ITGAV: variants seen among roughly 807,000 people sequenced by gnomAD.
ITGAV encodes integrin subunit alpha V.
ITGAV carries 76 observed loss-of-function variants against 143.8 expected under a neutral mutation model. The ratio of observed to expected loss-of-function variants is 0.53; its 90% CI spans 0.44 to 0.64. The LOEUF is 0.64. Among genes scored for constraint, ITGAV ranks in the 30% least tolerant of loss-of-function variants. ITGAV has a pLI of 0.00. For synonymous variants in ITGAV, 453 were observed against 446.7 expected, an observed-to-expected ratio of 1.01 and a Z score of -0.18; for missense variants, 1,193 against 1,274.7, an observed-to-expected ratio of 0.94 and a Z score of 0.98.
chr2:186,648,758 G>T (rs1363086380), intron 13 of ITGAV, among the ~76,000 whole-genome samples: 2 of 152,050 alleles, frequency 1.3e-5, no homozygotes, highest in Non-Finnish European at 2.9e-5. Context: ...CTCCCAAAGT[G>T]CTGGGATTAC....
intron 1 of ITGAV, chr2:186,600,174 C>G (rs371845594): frequency 4.8e-6 from 3 of 618,836 alleles, no homozygotes; most frequent in East Asian, 2.9e-5. Context: ...TGTGCCACTC[C>G]CGGCTTGTCC....
intron 5 of ITGAV, 63 bp from the exon 6 acceptor site, chr2:186,633,266 T>G: frequency 2.9e-6 from 3 of 1,026,200 alleles, no homozygotes; most frequent in Non-Finnish European, 4.5e-6. Flanking sequence ...TTTTCATTGA[T>G]TTCTATTTTG....
intron 3 of ITGAV, among the ~76,000 whole-genome samples, chr2:186,622,968 T>G (rs1257755926): frequency 1.3e-5 from 2 of 152,188 alleles, no homozygotes; most frequent in South Asian, 4.1e-4. Flanking sequence ...TTCGCCATGT[T>G]GGCCAGGCTG....
chr2:186,665,144 T>G lies in ITGAV; in HGVS notation c.2092T>G (p.Cys698Gly), dbSNP rs375011099. Residue 698 changes from cysteine (C) to glycine (G), a missense_variant, in exon 21 of 30, where the codon TGT (cysteine) becomes GGT (glycine). Coordinates refer to ENST00000261023, the MANE Select transcript of ITGAV (RefSeq NM_002210.5). The part of the protein sequence containing the change: ...RNNEALARLS[C>G]AFKTENQTRQ... ...ATCAAAGGCCTTAGCAAGACTTTCC[T>G]GTGCATTTAAGACAGAAAACCAAAC... 2.5e-6 allele frequency: 4 copies of G among 1,608,714 alleles called. No homozygotes were observed. Among genetic ancestry groups the G allele is most frequent in the East Asian group, 4.5e-5 (2 of 44,812 alleles).
At chr2:186,653,868 G>A (rs2105729447) in intron 15 of ITGAV, among the ~76,000 whole-genome samples, 1 of 152,220 alleles carries the variant, frequency 6.6e-6, no homozygotes, top group East Asian at 1.9e-4. Context: ...ACTTACCTTT[G>A]ATACCTAAAT....
intron 14 of ITGAV, 115 bp from the exon 15 acceptor site, chr2:186,651,867 A>G (rs973564239): frequency 1.7e-6 from 1 of 595,640 alleles, no homozygotes; most frequent in Non-Finnish European, 3.0e-6. Flanking sequence ...TATTACAAAC[A>G]ATGCTTTTAG....
intron 7 of ITGAV, 59 bp downstream of exon 7, chr2:186,636,266 A>C (rs2105704273): frequency 1.5e-6 from 2 of 1,353,246 alleles, no homozygotes; most frequent in South Asian, 2.8e-5. Flanking sequence ...CTTATATCTG[A>C]GTATGGTCTT....
At chr2:186,606,175 A>G (rs926647026) in intron 2 of ITGAV, among the ~76,000 whole-genome samples, 1 of 152,172 alleles carries the variant, frequency 6.6e-6, no homozygotes, top group African/African-American at 2.4e-5. Context: ...TCTCTCTCCC[A>G]AGGAACTCTT....
chr2:186,667,056 T>C (rs749316737), intron 22 of ITGAV, 94 bp from the exon 23 acceptor site: 17 of 843,296 alleles, frequency 2.0e-5, no homozygotes, highest in Non-Finnish European at 3.2e-5. Flanking sequence ...TACACTTGTT[T>C]CGTTTGTTAA....
chr2:186,600,304 C>T (rs1324115471), intron 1 of ITGAV: 4 of 1,520,840 alleles, frequency 2.6e-6, no homozygotes, highest in East Asian at 2.5e-5. Context: ...CTCATCCCCA[C>T]CCCCCACTCC....
intron 2 of ITGAV, among the ~76,000 whole-genome samples, chr2:186,620,304 T>C (rs1687485833): frequency 1.3e-5 from 2 of 152,182 alleles, no homozygotes; most frequent in African/African-American, 4.8e-5. Flanking sequence ...GTTAGCATCA[T>C]GAACAGACAA....
rs989369366 is a variant in ITGAV, at chr2:186,624,884, C to T, written c.409-589C>T. Among the ~76,000 whole-genome samples the T allele has an allele frequency of 4.6e-5, 7 of 151,972 alleles. No homozygotes were observed. The South Asian group carries it at 1.2e-3, about 27-fold the overall frequency. The stretch of plus-strand genomic sequence containing the variant: ...CTTAGTTCAAAAGCTAGTTTGGTCT[C>T]TACCTTTAGCATAGCATATTACATC... On this transcript the variant is annotated intron_variant, in intron 3 of 29. Transcript: ENST00000261023.
At chr2:186,648,788 C>T (rs573717051) in intron 13 of ITGAV, among the ~76,000 whole-genome samples, 50 of 152,054 alleles carry the variant, frequency 3.3e-4, no homozygotes, top group African/African-American at 1.1e-3. Flanking sequence ...CCACCACACC[C>T]GGCCATCAGG....
chr2:186,653,090 C>T lies in ITGAV; in HGVS notation c.1505+1001C>T, dbSNP rs535845760. Among the ~76,000 whole-genome samples the T allele has an allele frequency of 9.7e-3, 1,478 of 151,982 alleles. 22 individuals are homozygous for T. Among genetic ancestry groups the T allele is most frequent in the African/African-American group, 0.034 (1,404 of 41,468 alleles). On this transcript the variant is annotated intron_variant, in intron 15 of 29. Transcript: ENST00000261023. ...CCTCCCGAGTAGCTGGGACTACAGG[C>T]GCCCACCAACACGCCCGGCTAATTT...
intron 16 of ITGAV, among the ~76,000 whole-genome samples, chr2:186,655,469 G>A (rs1274597454): frequency 1.3e-5 from 2 of 152,140 alleles, no homozygotes; most frequent in South Asian, 2.1e-4. Flanking sequence ...GGCCTGAAGC[G>A]GAAAATGTGC....
intron 5 of ITGAV, among the ~76,000 whole-genome samples, 186 bp from the exon 6 acceptor site, chr2:186,633,141 CAA>C (rs909847322): frequency 1.9e-4 from 14 of 74,494 alleles, no homozygotes; most frequent in Admixed American, 3.0e-4. Context: ...TTTGTCTCTA[CAA>C]AAAAAAAAAA....
At chr2:186,661,764 T>C (rs980498027) in intron 18 of ITGAV, among the ~76,000 whole-genome samples, 2 of 152,008 alleles carry the variant, frequency 1.3e-5, no homozygotes, top group East Asian at 1.9e-4. Flanking sequence ...GCCCGGCTAA[T>C]TTTTTGTATT....
At position 186,656,276 on chromosome 2, in the gene ITGAV, C is replaced by G; in HGVS notation, c.1594C>G (p.Leu532Val). ...CCAGGTGGAACTTCTTTTGGATAAA[C>G]TCAAGCAAAAGGGAGCAATTCGACG... ...NFQVELLLDK[L>V]KQKGAIRRAL... The change falls in exon 17 of 30, where the codon CTC becomes GTC. Residue 532 changes from leucine (L) to valine (V), a missense_variant. Physicochemically the swap from Leu to Val is conservative, Grantham distance 32. Coordinates refer to ENST00000261023, the MANE Select transcript of ITGAV (RefSeq NM_002210.5). The G allele has an allele frequency of 6.3e-7, 1 of 1,584,064 alleles. No individual in the cohort carries two copies.
intron 5 of ITGAV, among the ~76,000 whole-genome samples, chr2:186,632,717 A>G (rs963145603): frequency 1.3e-5 from 2 of 152,166 alleles, no homozygotes; most frequent in African/African-American, 4.8e-5. Context: ...CAATGATTAT[A>G]GAAAGAAAAT....
Sources: gnomAD v4.1 joint callset for allele counts (sites outside exome capture counted in the v4.1 genomes callset) on GRCh38, gnomAD v4.1.1 for gene constraint, MANE v1.5 for transcripts, NCBI Gene and HGNC (gene_info 2026-07-23, HGNC 2026-07-21) for gene names.